The following TPM4 variants were observed in gnomAD, a reference collection of about 807,000 sequenced individuals.
TPM4 encodes tropomyosin 4.
Under a neutral mutation model 35.8 loss-of-function variants are expected in TPM4, and 17 were observed. The ratio of observed to expected loss-of-function variants is 0.47; its 90% CI spans 0.32 to 0.71. The LOEUF is 0.71. Ranked by LOEUF, TPM4 falls within the 30% of genes least tolerant of loss-of-function variation. The pLI, the probability that TPM4 is intolerant of heterozygous loss-of-function variation, is 0.03. For missense variants in TPM4, 240 were observed against 320.9 expected (o/e 0.75, Z 1.93); for synonymous variants, 120 against 122.9 (o/e 0.98, Z 0.15).
At position 16,067,688 on chromosome 19, in the gene TPM4, G is replaced by A. The variant is rs2090311055; in HGVS notation, c.64G>A (p.Ala22Thr). 6.2e-7 allele frequency: 1 copy of A among 1,613,608 alleles called. No homozygotes were observed. Among genetic ancestry groups the A allele is most frequent in the Non-Finnish European group, 8.5e-7 (1 of 1,179,860 alleles). Residue 22 changes from alanine to threonine, a missense_variant, in exon 2 of 3, where the codon GCG becomes ACG. Coordinates refer to the TPM4 transcript ENST00000589897. This position sits in a 1 kb window ranked among gnomAD's most constrained non-coding sequence, Gnocchi z 4.1. ...GGACAAGGAGAATGCCATCGACCGC[G>A]CGGAGCAGGCGGAGGCGGATAAGAA...
chr19:16,095,349 G>A, intron 7 of TPM4: 10 of 1,036,870 alleles, frequency 9.6e-6, no homozygotes, highest in Non-Finnish European at 1.2e-5. Flanking sequence ...CTCTCTGAGA[G>A]GCAGCCAGGT....
chr19:16,095,445 G>A (rs894474416), intron 7 of TPM4: 6 of 1,027,302 alleles, frequency 5.8e-6, no homozygotes, highest in Non-Finnish European at 5.8e-6. Context: ...TGGTTTGAAC[G>A]TCAGAGCCTT....
chr19:16,080,597 G>C (rs1047802098), intron 1 of TPM4, among the ~76,000 whole-genome samples: 7 of 152,182 alleles, frequency 4.6e-5, no homozygotes, highest in African/African-American at 1.7e-4. Flanking sequence ...GATCACGTGA[G>C]GCCAGGAGTT....
In TPM4 at chr19:16,089,063, A is replaced by C; in HGVS notation, c.474A>C (p.Glu158Asp). Reference protein sequence around the residue: ...EVSELKCGDLEEELKNVTNNL... With the variant: ...EVSELKCGDLDEELKNVTNNL... Reference sequence around the variant, plus strand: ...TGTGCAGAAAATGTGGTGACCTGGAAGAAGAACTCAAGAATGTTACTAACA... The same window carrying C: ...TGTGCAGAAAATGTGGTGACCTGGACGAAGAACTCAAGAATGTTACTAACA... The change falls in exon 5 of 8, where the codon GAA becomes GAC. Residue 158 changes from glutamate (E) to aspartate (D), a missense_variant. Transcript: ENST00000643579. 1 of 1,614,152 alleles carries C rather than the reference A, an allele frequency of 6.2e-7. No individual in the cohort carries two copies. Among genetic ancestry groups the C allele is most frequent in the Non-Finnish European group, 8.5e-7 (1 of 1,180,018 alleles).
At chr19:16,077,002 C>T (rs990142361) in intron 1 of TPM4, 1 of 346,686 alleles carries the variant, frequency 2.9e-6, no homozygotes. Flanking sequence ...AGAAGTGGAG[C>T]GGCGGGAGGG....
chr19:16,076,072 A>T, upstream of TPM4: 1 of 1,577,224 alleles, frequency 6.3e-7, no homozygotes, highest in Non-Finnish European at 8.6e-7. Flanking sequence ...ACGCACCTCC[A>T]GAAGAAACTA....
chr19:16,094,373 A>G (rs1160084044), intron 7 of TPM4, among the ~76,000 whole-genome samples: 1 of 151,966 alleles, frequency 6.6e-6, no homozygotes, highest in East Asian at 1.9e-4. Flanking sequence ...GTCTCTACCA[A>G]AAATAGAAAA....
intron 2 of TPM4, among the ~76,000 whole-genome samples, chr19:16,083,085 T>G (rs1176638533): frequency 6.6e-6 from 1 of 151,800 alleles, no homozygotes; most frequent in African/African-American, 2.4e-5. Flanking sequence ...CTGTCAGGCT[T>G]TAGGCTTTTG....
At position 16,070,622 on chromosome 19, in the gene TPM4, G is replaced by A. The variant is rs1461742799; in HGVS notation, c.114+2884G>A. Among the ~76,000 whole-genome samples, 1 of 152,308 alleles carries A rather than the reference G, an allele frequency of 6.6e-6. No individual in the cohort carries two copies. Among genetic ancestry groups the A allele is most frequent in the South Asian group, 2.1e-4 (1 of 4,824 alleles). ...CGGAAGTGACAGTAGGGCCTCCCTT[G>A]CCACCCCATGACAGGATTAGAGGTG... On this transcript the variant is annotated intron_variant, in intron 2 of 2. Transcript: ENST00000589897. This position sits in a 1 kb window ranked among gnomAD's most constrained non-coding sequence, Gnocchi z 7.4.
intron 7 of TPM4, chr19:16,095,397 C>T: frequency 1.9e-6 from 2 of 1,032,764 alleles, no homozygotes; most frequent in Non-Finnish European, 2.3e-6. Context: ...GCCTCCTACG[C>T]CCCTGTGGGC....
In TPM4 at chr19:16,102,936, C is replaced by G. The variant is rs147192859; in HGVS notation, c.*1590C>G. 2 of 209,072 alleles carry G rather than the reference C, an allele frequency of 9.6e-6. No homozygotes were observed. The highest frequency in any genetic ancestry group is 6.0e-5 in the Admixed American group (1 of 16,704). 13.0% of individuals were successfully genotyped at this position (209,072 alleles called of 1,614,324 possible). On this transcript the variant is annotated 3_prime_UTR_variant, in exon 8 of 8. Coordinates refer to ENST00000643579, the MANE Select transcript of TPM4 (RefSeq NM_003290.3). ...ATAAAATCCACACTTTAGATTCTTG[C>G]AACTGTATCATATGTAATAGTATCA...
upstream of TPM4, chr19:16,076,087 G>C: frequency 6.3e-7 from 1 of 1,599,802 alleles, no homozygotes; most frequent in East Asian, 2.3e-5. Flanking sequence ...AAACTAAAAG[G>C]GACAGAGGAC....
intron 7 of TPM4, chr19:16,100,725 G>A (rs1238582600): frequency 6.6e-6 from 1 of 152,506 alleles, no homozygotes; most frequent in South Asian, 2.1e-4. Context: ...GGCTGAGGTG[G>A]GAGGATCACC....
chr19:16,079,705 A>ATT (rs34366096), intron 1 of TPM4: 15 of 173,342 alleles, frequency 8.7e-5, no homozygotes, highest in Non-Finnish European at 1.3e-4. Context: ...TTTCCTAATA[A>ATT]TTTTTTTTTT....
chr19:16,068,669 G>C (rs1419127817), intron 2 of TPM4, among the ~76,000 whole-genome samples: 3 of 152,166 alleles, frequency 2.0e-5, no homozygotes, highest in Non-Finnish European at 4.4e-5. Context: ...TTGTGTGTTT[G>C]AGCAATTCTC....
At chr19:16,071,447 A>G (rs2144909214) in intron 2 of TPM4, among the ~76,000 whole-genome samples, 1 of 152,268 alleles carries the variant, frequency 6.6e-6, no homozygotes, top group East Asian at 1.9e-4. Flanking sequence ...AACCTCCCAA[A>G]GTGCTGGGAT....
In TPM4 at chr19:16,070,065, G is replaced by A. The variant is rs1033638640; in HGVS notation, c.114+2327G>A. Among the ~76,000 whole-genome samples, 1 of 152,062 alleles carries A rather than the reference G, an allele frequency of 6.6e-6. No individual in the cohort carries two copies. Among genetic ancestry groups the A allele is most frequent in the Non-Finnish European group, 1.5e-5 (1 of 68,000 alleles). ...TGACTGGGTGGGGTCTGGGGACTGG[G>A]ATGGGAGTAGAGTTGAGAGTGAGTC... On this transcript the variant is annotated intron_variant, in intron 2 of 2. Transcript: ENST00000589897. This position sits in a 1 kb window ranked among gnomAD's most constrained non-coding sequence, Gnocchi z 7.4.
At chr19:16,079,074 G>A (rs1026831591) in intron 1 of TPM4, among the ~76,000 whole-genome samples, 1 of 152,152 alleles carries the variant, frequency 6.6e-6, no homozygotes, top group Admixed American at 6.5e-5. Context: ...ACTCGGCCGT[G>A]ACTAGCAGTT....
At chr19:16,086,601 T>C (rs893018919) in intron 3 of TPM4, 61 bp downstream of exon 3, 5 of 1,424,952 alleles carry the variant, frequency 3.5e-6, no homozygotes, top group African/African-American at 1.4e-5. Context: ...TCTGCTGAGA[T>C]AGGGAGGACA....
Sources: allele counts gnomAD v4.1 joint callset (sites outside exome capture counted in the v4.1 genomes callset), GRCh38; gene constraint gnomAD v4.1.1; non-coding constraint Gnocchi (gnomAD v3.1); transcripts MANE v1.5; gene names NCBI Gene and HGNC (gene_info 2026-07-23, HGNC 2026-07-21).